The following TRAPPC10 variants were observed in gnomAD, a reference collection of about 807,000 sequenced individuals.
TRAPPC10 encodes trafficking protein particle complex subunit 10, also known as TRAPP 130 kDa subunit.
In TRAPPC10, 23 loss-of-function variants were observed where a neutral mutation model predicts 125.5. The ratio of observed to expected loss-of-function variants is 0.18; its 90% CI spans 0.13 to 0.26. The LOEUF is 0.26. Among genes scored for constraint, TRAPPC10 ranks in the 10% least tolerant of loss-of-function variants. TRAPPC10 has a pLI of 1.00. For synonymous variants in TRAPPC10, 509 were observed against 518.0 expected, an observed-to-expected ratio of 0.98 and a Z score of 0.24; for missense variants, 1,123 against 1,308.4, an observed-to-expected ratio of 0.86 and a Z score of 2.19.
At position 44,035,427 on chromosome 21, in the gene TRAPPC10, G is replaced by A. The variant is rs145848345; in HGVS notation, c.150-2365G>A. Among the ~76,000 whole-genome samples, 183 of 152,330 alleles carry A rather than the reference G, an allele frequency of 1.2e-3. 1 individual carries two copies. The highest frequency in any genetic ancestry group is 1.8e-3 in the Non-Finnish European group (121 of 68,020). ...AACATACCAAGACATGGATGTGTGTGTGTGTTGGTGGGCGGTGAGGAGGAA... is the reference window on the plus strand; with the variant it reads ...AACATACCAAGACATGGATGTGTGTATGTGTTGGTGGGCGGTGAGGAGGAA... On this transcript the variant is annotated intron_variant, in intron 2 of 22. Coordinates refer to ENST00000291574, the MANE Select transcript of TRAPPC10 (RefSeq NM_003274.5).
intron 17 of TRAPPC10, 193 bp downstream of exon 17, chr21:44,088,121 C>CAGAG (rs2038276214): frequency 1.5e-5 from 9 of 600,560 alleles, no homozygotes; most frequent in Middle Eastern, 4.5e-4. Flanking sequence ...TTTGCAAGGG[C>CAGAG]AGAGACAAGC....
At chr21:44,071,537 G>A (rs1028987946) in intron 7 of TRAPPC10, among the ~76,000 whole-genome samples, 2 of 152,278 alleles carry the variant, frequency 1.3e-5, no homozygotes, top group African/African-American at 2.4e-5. Flanking sequence ...CAGAGTGCTC[G>A]GCCCCCTTTG....
At chr21:44,056,441 G>A (rs1049838318) in intron 5 of TRAPPC10, among the ~76,000 whole-genome samples, 1 of 152,182 alleles carries the variant, frequency 6.6e-6, no homozygotes, top group African/African-American at 2.4e-5. Context: ...ATGTCTGTCA[G>A]CTACTGAGGG....
chr21:44,017,913 A>G (rs2032053608), intron 1 of TRAPPC10, among the ~76,000 whole-genome samples: 1 of 152,078 alleles, frequency 6.6e-6, no homozygotes, highest in Admixed American at 6.6e-5. Flanking sequence ...TCATAAATTT[A>G]AAATATCTCT....
chr21:44,053,463 G>A (rs991549260), intron 4 of TRAPPC10, among the ~76,000 whole-genome samples: 6 of 152,040 alleles, frequency 3.9e-5, no homozygotes, highest in Non-Finnish European at 5.9e-5. Flanking sequence ...TTAATGTGCC[G>A]TAAGTTATTT....
chr21:44,066,523 T>A (rs1358612482), intron 7 of TRAPPC10, among the ~76,000 whole-genome samples: 2 of 152,230 alleles, frequency 1.3e-5, no homozygotes, highest in African/African-American at 4.8e-5. Context: ...TCCTTTTTTT[T>A]TCTGTAACAA....
At chr21:44,047,003 G>T (rs1009237926) in intron 3 of TRAPPC10, 2 of 785,526 alleles carry the variant, frequency 2.5e-6, no homozygotes, top group Admixed American at 1.9e-5. Flanking sequence ...CCTTTGTCTT[G>T]GCCTTTCTGG....
chr21:44,063,097 G>A lies in TRAPPC10; in HGVS notation c.791-441G>A. The A allele has an allele frequency of 7.7e-7, 1 of 1,304,650 alleles. No individual in the cohort carries two copies. Among genetic ancestry groups the A allele is most frequent in the South Asian group, 1.2e-5 (1 of 80,998 alleles). 80.8% of individuals were successfully genotyped at this position (1,304,650 alleles called of 1,614,324 possible). A position where few individuals can be genotyped will look rare whatever the true frequency, so the allele number is the denominator to read the frequency against. On this transcript the variant is annotated intron_variant, in intron 6 of 22. Transcript: ENST00000291574. The surrounding 1 kb of genome is among the most constrained non-coding windows in gnomAD (Gnocchi z 4.4). ...GACGTGGTTGAGTTAGGGAAATAAG[G>A]AAGGAATATGTAATCTAAGGAAGAC...
chr21:44,075,231 C>G, intron 9 of TRAPPC10, 78 bp downstream of exon 9: 1 of 1,084,360 alleles, frequency 9.2e-7, no homozygotes, highest in Admixed American at 1.9e-5. Context: ...GCACATTTAA[C>G]CGAAGTTCTA....
At chr21:44,089,982 C>A (rs1433030190) in intron 18 of TRAPPC10, 49 bp downstream of exon 18, 3 of 1,437,790 alleles carry the variant, frequency 2.1e-6, no homozygotes, top group Non-Finnish European at 2.9e-6. Flanking sequence ...CCAGACTCTT[C>A]TAAGTGGAGG....
chr21:44,083,998 G>T (rs751749065), intron 14 of TRAPPC10, 124 bp from the exon 15 acceptor site: 19 of 1,087,200 alleles, frequency 1.7e-5, no homozygotes, highest in African/African-American at 3.1e-5. Flanking sequence ...AGAGCAGGGG[G>T]TACAAGAGGG....
At chr21:44,071,573 A>G (rs112766834) in intron 7 of TRAPPC10, among the ~76,000 whole-genome samples, 4 of 152,088 alleles carry the variant, frequency 2.6e-5, no homozygotes, top group Non-Finnish European at 5.9e-5. Context: ...TTTGGGTGGG[A>G]GCTAAGAGAC....
intron 4 of TRAPPC10, among the ~76,000 whole-genome samples, chr21:44,052,967 GCT>G (rs1357810764): frequency 6.6e-6 from 1 of 152,014 alleles, no homozygotes; most frequent in African/African-American, 2.4e-5. Flanking sequence ...GCCTTGCCCT[GCT>G]CTCTCTCCTG....
At chr21:44,016,703 G>C (rs1432317120) in intron 1 of TRAPPC10, among the ~76,000 whole-genome samples, 2 of 152,090 alleles carry the variant, frequency 1.3e-5, no homozygotes, top group Admixed American at 6.5e-5. Flanking sequence ...TTGTTGCCCA[G>C]GCTGGAGTGC....
chr21:44,056,289 A>G (rs1047354107), intron 5 of TRAPPC10, among the ~76,000 whole-genome samples: 1 of 152,220 alleles, frequency 6.6e-6, no homozygotes, highest in African/African-American at 2.4e-5. Context: ...TTAAACGCAG[A>G]AGGAAAGAAA....
At chr21:44,079,972 C>T (rs1336473956) in intron 12 of TRAPPC10, 43 bp from the exon 13 acceptor site, 1 of 1,562,678 alleles carries the variant, frequency 6.4e-7, no homozygotes. Context: ...CCCCCGCACT[C>T]CTAAGTATGA....
intron 1 of TRAPPC10, among the ~76,000 whole-genome samples, chr21:44,028,883 C>G (rs1207451498): frequency 6.6e-6 from 1 of 152,172 alleles, no homozygotes; most frequent in East Asian, 1.9e-4. Context: ...GCTCATGCCT[C>G]TGTTGCCCGT....
intron 1 of TRAPPC10, among the ~76,000 whole-genome samples, chr21:44,026,817 A>ATGG (rs1280703025): frequency 6.6e-6 from 1 of 152,178 alleles, no homozygotes; most frequent in African/African-American, 2.4e-5. Context: ...TGAGGCCCCC[A>ATGG]GCTGTGGGAC....
At chr21:44,036,430 C>T (rs2033988169) in intron 2 of TRAPPC10, among the ~76,000 whole-genome samples, 1 of 152,196 alleles carries the variant, frequency 6.6e-6, no homozygotes, top group Admixed American at 6.5e-5. Flanking sequence ...CCTCTAGGCC[C>T]CCGGCTGGCC....
Sources: gnomAD v4.1 joint callset for allele counts (sites outside exome capture counted in the v4.1 genomes callset) on GRCh38, gnomAD v4.1.1 for gene constraint, Gnocchi (gnomAD v3.1) non-coding constraint, MANE v1.5 for transcripts, NCBI Gene and HGNC (gene_info 2026-07-23, HGNC 2026-07-21) for gene names.